TOM1: variants seen among roughly 807,000 people sequenced by gnomAD.
TOM1 encodes target of myb1 membrane trafficking protein, also known as target of Myb protein 1.
A neutral mutation model predicts 61.3 loss-of-function variants in TOM1; 38 were observed. The observed-to-expected ratio is 0.62, with a 90% CI of 0.48 to 0.81. The LOEUF is 0.81. Ranked by LOEUF, TOM1 falls within the 40% of genes least tolerant of loss-of-function variation. The pLI is 0.00. For synonymous variants in TOM1, 270 were observed against 268.8 expected (o/e 1.00, Z -0.04); for missense variants, 591 against 659.6 (o/e 0.90, Z 1.14).
Position 35,308,307 on chromosome 22 carries a change from G to A in TOM1, c.52+8327G>A, listed in dbSNP as rs1162495548. 3.6e-5 allele frequency among the ~76,000 whole-genome samples: 5 copies of A among 139,846 alleles called. No individual in the cohort carries two copies. The South Asian group carries it at 6.7e-4, about 19-fold the overall frequency. 91.7% of individuals were successfully genotyped at this position (139,846 alleles called of 152,430 possible). A position where few individuals can be genotyped will look rare whatever the true frequency, so the allele number is the denominator to read the frequency against. ...TTTTTTTTTCTTTTTTTTTTGAGACGGAGTCTCACTCTGTTTCCCAGGCTG... is the reference window on the plus strand; with the variant it reads ...TTTTTTTTTCTTTTTTTTTTGAGACAGAGTCTCACTCTGTTTCCCAGGCTG... On this transcript the variant is annotated intron_variant, in intron 1 of 14. Coordinates refer to ENST00000449058, the MANE Select transcript of TOM1 (RefSeq NM_005488.3).
chr22:35,321,800 C>T (rs761045294), intron 2 of TOM1, 159 bp from the exon 3 acceptor site: 5 of 751,968 alleles, frequency 6.6e-6, no homozygotes, highest in Non-Finnish European at 1.2e-5. Context: ...AAGCAATGGG[C>T]TAGGAAGATT....
chr22:35,301,916 A>AT (rs1322188987), intron 1 of TOM1, among the ~76,000 whole-genome samples: 1 of 152,202 alleles, frequency 6.6e-6, no homozygotes, highest in Non-Finnish European at 1.5e-5. Flanking sequence ...CACTGCTTTT[A>AT]TCACATGCCA....
intron 12 of TOM1, chr22:35,344,906 G>A (rs1016739650): frequency 3.9e-5 from 6 of 152,306 alleles, no homozygotes; most frequent in African/African-American, 1.4e-4. Flanking sequence ...CCCTAAGGAC[G>A]AGGGAAATCA....
At chr22:35,338,512 C>T (rs946428142) in intron 11 of TOM1, among the ~76,000 whole-genome samples, 1 of 152,178 alleles carries the variant, frequency 6.6e-6, no homozygotes, top group Admixed American at 6.5e-5. Context: ...CCCTCCCTAA[C>T]CTCTCCAGCC....
rs763902208 is a variant in TOM1 at position 35,323,904 on chromosome 22, C to T, written c.638C>T (p.Thr213Ile). The T allele has an allele frequency of 1.4e-5, 22 of 1,565,334 alleles. No individual in the cohort carries two copies. The highest frequency in any genetic ancestry group is 1.9e-5 in the Non-Finnish European group (22 of 1,153,596). Reference protein sequence around the residue: ...ILSGDTPIAPTPEQIGKLRSE... With the variant: ...ILSGDTPIAPIPEQIGKLRSE... ...TCCGGTGACACGCCCATAGCACCAA[C>T]CCCGGAACAGGTAAACGAGCCTGGG... is the stretch of plus-strand genomic sequence containing the variant. Residue 213 changes from threonine to isoleucine, a missense_variant, in exon 6 of 15, where the codon ACC becomes ATC. Physicochemically the swap from Thr to Ile is moderately conservative, Grantham distance 89. Coordinates refer to ENST00000449058, the MANE Select transcript of TOM1 (RefSeq NM_005488.3). This position sits in a 1 kb window ranked among gnomAD's most constrained non-coding sequence, Gnocchi z 4.2.
At chr22:35,346,805 G>T (rs958204872) in intron 13 of TOM1, 125 bp from the exon 14 acceptor site, 33 of 897,588 alleles carry the variant, frequency 3.7e-5, no homozygotes, top group Non-Finnish European at 5.5e-5. Context: ...TGGTGGGGGC[G>T]TGCAGAGCCT....
At chr22:35,330,576 C>T (rs1928756394) in intron 8 of TOM1, 96 bp downstream of exon 8, 1 of 1,247,436 alleles carries the variant, frequency 8.0e-7, no homozygotes, top group Non-Finnish European at 1.1e-6. Context: ...TCTGAGCCTT[C>T]TCTCGTCCTC....
intron 1 of TOM1, among the ~76,000 whole-genome samples, chr22:35,313,903 C>A (rs937432985): frequency 6.6e-6 from 1 of 152,220 alleles, no homozygotes; most frequent in South Asian, 2.1e-4. Context: ...CAGCTGCTAC[C>A]CGGAGGCCCT....
chr22:35,343,213 CCCT>C, intron 12 of TOM1, among the ~76,000 whole-genome samples: 1 of 141,188 alleles, frequency 7.1e-6, no homozygotes, highest in African/African-American at 2.7e-5. Flanking sequence ...ACACACACAC[CCCT>C]ACACACACCA....
chr22:35,325,670 TA>T (rs1251662465), intron 6 of TOM1, among the ~76,000 whole-genome samples: 3 of 152,204 alleles, frequency 2.0e-5, no homozygotes, highest in Admixed American at 6.5e-5. Context: ...TAAAGGTGTG[TA>T]AAAAATTGTA....
At chr22:35,343,475 TAC>T (rs1428549322) in intron 12 of TOM1, among the ~76,000 whole-genome samples, 4 of 105,664 alleles carry the variant, frequency 3.8e-5, no homozygotes, top group African/African-American at 7.6e-5. Context: ...TTCATACACC[TAC>T]ACACACCCCT....
At chr22:35,329,193 T>G (rs1236295061) in intron 7 of TOM1, among the ~76,000 whole-genome samples, 2 of 152,166 alleles carry the variant, frequency 1.3e-5, no homozygotes, top group Non-Finnish European at 2.9e-5. Flanking sequence ...TGACCTCAGG[T>G]GATCCACCCG....
At chr22:35,337,173 T>C (rs572127163) in intron 11 of TOM1, among the ~76,000 whole-genome samples, 9 of 152,278 alleles carry the variant, frequency 5.9e-5, no homozygotes, top group Non-Finnish European at 1.2e-4. Context: ...CCTGACCTCG[T>C]GATCCGCGCG....
intron 11 of TOM1, among the ~76,000 whole-genome samples, chr22:35,338,342 CCA>C (rs1478183043): frequency 6.6e-6 from 1 of 152,202 alleles, no homozygotes; most frequent in Non-Finnish European, 1.5e-5. Context: ...TCATACACAA[CCA>C]CAGTCTATAA....
intron 8 of TOM1, 66 bp downstream of exon 8, chr22:35,330,546 G>T: frequency 6.8e-7 from 1 of 1,477,520 alleles, no homozygotes; most frequent in Admixed American, 2.0e-5. Context: ...CTTCCTCCCT[G>T]TTCTCCTGGT....
Position 35,338,638 on chromosome 22 carries a change from C to T in TOM1, c.1149-75C>T, listed in dbSNP as rs537471524. 77 of 1,240,904 alleles carry T rather than the reference C, an allele frequency of 6.2e-5. No homozygotes were observed. In the African/African-American group the frequency reaches 1.1e-3, roughly 18 times the overall value. 76.9% of individuals were successfully genotyped at this position (1,240,904 alleles called of 1,614,324 possible). The stretch of plus-strand genomic sequence containing the variant: ...GGAGGATGGGAGCCGTCAATCTGTG[C>T]CCCCCAGCCCGCTCCGTTCTTGCAT... On this transcript the variant is annotated intron_variant, in intron 11 of 14. Transcript: ENST00000449058.
At chr22:35,341,212 A>G (rs1929850927) in intron 12 of TOM1, among the ~76,000 whole-genome samples, 1 of 152,220 alleles carries the variant, frequency 6.6e-6, no homozygotes, top group South Asian at 2.1e-4. Flanking sequence ...CAGATGAGAA[A>G]ACTGAGTTCC....
chr22:35,315,502 G>A (rs1012145894), intron 1 of TOM1, among the ~76,000 whole-genome samples: 1 of 152,166 alleles, frequency 6.6e-6, no homozygotes, highest in African/African-American at 2.4e-5. Flanking sequence ...CCAAGGGCAG[G>A]GGTGTGGTAC....
At chr22:35,324,063 C>A in intron 6 of TOM1, 149 bp downstream of exon 6, 4 of 996,614 alleles carry the variant, frequency 4.0e-6, no homozygotes, top group South Asian at 1.9e-5. Context: ...CCTGTTTGAG[C>A]GATGAGACTC....
Sources: allele counts gnomAD v4.1 joint callset (sites outside exome capture counted in the v4.1 genomes callset), GRCh38; gene constraint gnomAD v4.1.1; non-coding constraint Gnocchi (gnomAD v3.1); transcripts MANE v1.5; gene names NCBI Gene and HGNC (gene_info 2026-07-23, HGNC 2026-07-21).